The following LDB2 variants were observed in gnomAD, a reference collection of about 807,000 sequenced individuals.
LDB2 encodes LIM domain-binding protein 2.
Under a neutral mutation model 44.3 loss-of-function variants are expected in LDB2, and 12 were observed. The ratio of observed to expected loss-of-function variants is 0.27; its 90% CI spans 0.17 to 0.44. The LOEUF (loss-of-function observed/expected upper bound fraction) is 0.44, where lower values mean the gene tolerates loss of function less well. Ranked by LOEUF, LDB2 falls within the 20% of genes least tolerant of loss-of-function variation. The pLI is 1.00. For missense variants in LDB2, 344 were observed against 473.5 expected (o/e 0.73, Z 2.54); for synonymous variants, 164 against 174.8 (o/e 0.94, Z 0.49).
chr4:16,518,105 C>T (rs777030198), intron 5 of LDB2, among the ~76,000 whole-genome samples: 1 of 152,176 alleles, frequency 6.6e-6, no homozygotes, highest in Non-Finnish European at 1.5e-5. Flanking sequence ...GCAGGAAGCT[C>T]TTAGTTCAGT....
rs138087801 is a variant in LDB2, at chr4:16,591,025, A to G, written c.409-2193T>C. On this transcript the variant is annotated intron_variant, in intron 3 of 7. Coordinates refer to ENST00000304523, the MANE Select transcript of LDB2 (RefSeq NM_001290.5). The stretch of plus-strand genomic sequence containing the variant: ...CAGCTTTCACAAAAGAGAGGTAGCT[A>G]TGGGGAGCCATCAACAGTGAAGTGT... Among the ~76,000 whole-genome samples, 434 of 152,306 alleles carry G rather than the reference A, an allele frequency of 2.8e-3. 1 individual carries two copies. Among genetic ancestry groups the G allele is most frequent in the African/African-American group, 9.6e-3 (401 of 41,564 alleles).
intron 1 of LDB2, among the ~76,000 whole-genome samples, chr4:16,777,185 G>T: frequency 6.6e-6 from 1 of 152,122 alleles, no homozygotes; most frequent in East Asian, 1.9e-4. Flanking sequence ...CCTCCCACAG[G>T]CAACTGACAT....
intron 2 of LDB2, among the ~76,000 whole-genome samples, chr4:16,616,564 C>T (rs918141123): frequency 5.9e-5 from 9 of 152,038 alleles, no homozygotes; most frequent in Non-Finnish European, 1.2e-4. Flanking sequence ...ACCTGAGTCT[C>T]TGGCCAATAA....
At chr4:16,586,634 C>T (rs577425434) in intron 4 of LDB2, among the ~76,000 whole-genome samples, 73 of 151,972 alleles carry the variant, frequency 4.8e-4, no homozygotes, top group Non-Finnish European at 8.8e-4. Flanking sequence ...TTTTATCCTG[C>T]AGGACTGTAA....
intron 5 of LDB2, among the ~76,000 whole-genome samples, chr4:16,573,229 T>C (rs1057318564): frequency 7.9e-5 from 12 of 152,228 alleles, no homozygotes; most frequent in African/African-American, 9.6e-5. Context: ...AGGGAACTAA[T>C]GGTATTATGA....
At chr4:16,711,543 G>T (rs983920934) in intron 2 of LDB2, among the ~76,000 whole-genome samples, 1 of 152,182 alleles carries the variant, frequency 6.6e-6, no homozygotes, top group African/African-American at 2.4e-5. Flanking sequence ...TTACACAGGG[G>T]TGACAAGTCT....
At chr4:16,677,061 A>G (rs181186808) in intron 2 of LDB2, among the ~76,000 whole-genome samples, 14 of 152,354 alleles carry the variant, frequency 9.2e-5, no homozygotes, top group African/African-American at 3.4e-4. Context: ...CAGTTCCCTT[A>G]AGTGGGGAGA....
At chr4:16,547,938 C>A (rs1736321671) in intron 5 of LDB2, among the ~76,000 whole-genome samples, 1 of 150,598 alleles carries the variant, frequency 6.6e-6, no homozygotes, top group Non-Finnish European at 1.5e-5. Context: ...TTGGAACTCT[C>A]CTGGTTCTTT....
At chr4:16,758,326 T>G (rs1468882845) in intron 2 of LDB2, among the ~76,000 whole-genome samples, 4 of 152,252 alleles carry the variant, frequency 2.6e-5, no homozygotes, top group Non-Finnish European at 5.9e-5. Flanking sequence ...GACTGGTTCA[T>G]CATTCCATGG....
intron 3 of LDB2, among the ~76,000 whole-genome samples, chr4:16,593,173 A>G (rs1719712968): frequency 6.6e-6 from 1 of 152,186 alleles, no homozygotes; most frequent in South Asian, 2.1e-4. Flanking sequence ...AGCAACTCAG[A>G]ACCACTGGGT....
intron 2 of LDB2, among the ~76,000 whole-genome samples, chr4:16,633,752 G>C (rs1204053058): frequency 2.6e-4 from 40 of 152,122 alleles, no homozygotes; most frequent in Admixed American, 9.2e-4. Flanking sequence ...CACAGAACTG[G>C]AAAAAACTAT....
At chr4:16,808,280 A>T (rs760185944) in intron 1 of LDB2, among the ~76,000 whole-genome samples, 11 of 152,104 alleles carry the variant, frequency 7.2e-5, no homozygotes, top group Non-Finnish European at 2.9e-5. Flanking sequence ...TCCCCAAGAG[A>T]GTGATAGATA....
At chr4:16,714,212 GT>G (rs1756544318) in intron 2 of LDB2, among the ~76,000 whole-genome samples, 1 of 152,180 alleles carries the variant, frequency 6.6e-6, no homozygotes, top group Admixed American at 6.5e-5. Flanking sequence ...TGAGGGTACT[GT>G]TTTGCTTGGA....
intron 5 of LDB2, among the ~76,000 whole-genome samples, chr4:16,570,070 C>T (rs1457334506): frequency 6.6e-6 from 1 of 152,134 alleles, no homozygotes; most frequent in Non-Finnish European, 1.5e-5. Context: ...GAGCACATCT[C>T]AAGTTGAGTA....
intron 1 of LDB2, among the ~76,000 whole-genome samples, chr4:16,856,249 G>A (rs933315628): frequency 2.0e-5 from 3 of 152,104 alleles, no homozygotes; most frequent in African/African-American, 4.8e-5. Context: ...AGATGAGCTT[G>A]AGATCAAAAT....
chr4:16,886,615 G>T (rs1333357570), intron 1 of LDB2, among the ~76,000 whole-genome samples: 1 of 152,090 alleles, frequency 6.6e-6, no homozygotes, highest in East Asian at 1.9e-4. Flanking sequence ...AACCAAAAAA[G>T]GAGACATGTA....
chr4:16,890,994 T>G (rs1723193849), intron 1 of LDB2, among the ~76,000 whole-genome samples: 1 of 152,154 alleles, frequency 6.6e-6, no homozygotes, highest in Admixed American at 6.5e-5. Flanking sequence ...TATGTCTTTA[T>G]TTTCCCTAAG....
chr4:16,719,108 T>C (rs1757680987), intron 2 of LDB2, among the ~76,000 whole-genome samples: 1 of 152,182 alleles, frequency 6.6e-6, no homozygotes, highest in South Asian at 2.1e-4. Flanking sequence ...TATTTTCTAC[T>C]CAGTGGACAA....
At chr4:16,870,136 G>A (rs1455467416) in intron 1 of LDB2, among the ~76,000 whole-genome samples, 1 of 152,150 alleles carries the variant, frequency 6.6e-6, no homozygotes, top group Non-Finnish European at 1.5e-5. Context: ...AGAGGTGAAG[G>A]AAGGAGATGC....
Sources: allele counts gnomAD v4.1 joint callset (sites outside exome capture counted in the v4.1 genomes callset), GRCh38; gene constraint gnomAD v4.1.1; transcripts MANE v1.5; gene names NCBI Gene and HGNC (gene_info 2026-07-23, HGNC 2026-07-21).